Variants in ABCC5 observed in about 807,000 individuals in gnomAD.
The protein encoded by ABCC5 is ATP-binding cassette sub-family C member 5.
Under a neutral mutation model 160.9 loss-of-function variants are expected in ABCC5, and 61 were observed. The observed-to-expected ratio is 0.38, with a 90% CI of 0.31 to 0.47. The LOEUF (loss-of-function observed/expected upper bound fraction) is 0.47, where lower values mean the gene tolerates loss of function less well. ABCC5 is among the 20% of genes least tolerant of loss of function. The pLI, the probability that ABCC5 is intolerant of heterozygous loss-of-function variation, is 0.99. For synonymous variants in ABCC5, 666 were observed against 700.6 expected, an observed-to-expected ratio of 0.95 and a Z score of 0.78; for missense variants, 1,308 against 1,813.3, an observed-to-expected ratio of 0.72 and a Z score of 5.06.
Position 183,946,053 on chromosome 3 carries a change from C to T in ABCC5, c.3415-114G>A, listed in dbSNP as rs1051198451. 21 of 922,356 alleles carry T rather than the reference C, an allele frequency of 2.3e-5. No individual in the cohort carries two copies. The African/African-American group carries it at 3.4e-4, about 15-fold the overall frequency. The allele number at this position is 922,356 out of a possible 1,614,324, so 57.1% of individuals were successfully genotyped here. ...ACTAAGAACTGAGCACATGCAGCAG[C>T]TGGTCTTAGGGACCTAGTCATTCTC... On this transcript the variant is annotated intron_variant, in intron 23 of 29. Transcript: ENST00000334444.
chr3:183,976,889 A>G (rs991703737), intron 10 of ABCC5, among the ~76,000 whole-genome samples: 1 of 151,804 alleles, frequency 6.6e-6, no homozygotes, highest in African/African-American at 2.4e-5. Context: ...ATTTCTCTCC[A>G]CCCTCCCAAA....
intron 26 of ABCC5, among the ~76,000 whole-genome samples, chr3:183,931,827 G>A (rs1713210369): frequency 6.6e-6 from 1 of 152,230 alleles, no homozygotes; most frequent in Admixed American, 6.5e-5. Flanking sequence ...AGAGAAGCCA[G>A]ATGGTCCTGG....
intron 2 of ABCC5, among the ~76,000 whole-genome samples, chr3:184,013,513 CA>C (rs1257250676): frequency 2.0e-5 from 3 of 152,154 alleles, no homozygotes; most frequent in Non-Finnish European, 2.9e-5. Context: ...CTCAACCTCC[CA>C]AAGTGCTGGG....
chr3:183,996,948 A>G (rs1259473772), intron 2 of ABCC5, among the ~76,000 whole-genome samples: 2 of 152,170 alleles, frequency 1.3e-5, no homozygotes, highest in Non-Finnish European at 1.5e-5. Context: ...AAAATGAAAT[A>G]TCTGATGGAA....
intron 5 of ABCC5, chr3:183,984,691 C>T: frequency 5.4e-6 from 8 of 1,495,288 alleles, no homozygotes; most frequent in Non-Finnish European, 7.1e-6. Context: ...ATATCCATTG[C>T]TTGGGTCACC....
At position 183,988,388 on chromosome 3, in the gene ABCC5, A is replaced by G. The variant is rs1221250705; in HGVS notation, c.443+184T>C. Among the ~76,000 whole-genome samples the G allele has an allele frequency of 6.6e-6, 1 of 152,250 alleles. No individual in the cohort carries two copies. Among genetic ancestry groups the G allele is most frequent in the East Asian group, 1.9e-4 (1 of 5,200 alleles). On this transcript the variant is annotated intron_variant, in intron 4 of 29. Transcript: ENST00000334444. The surrounding 1 kb of genome is among the most constrained non-coding windows in gnomAD (Gnocchi z 4.4). ...AGAGAGAGAGAGAAAGCCCGTGGTTAAAACAGGATCAAAGGTGAAATAGGA... is the reference window on the plus strand; with the variant it reads ...AGAGAGAGAGAGAAAGCCCGTGGTTGAAACAGGATCAAAGGTGAAATAGGA...
rs952363832 is a variant in ABCC5 at position 183,988,470 on chromosome 3, C to T, written c.443+102G>A. 5 of 1,451,264 alleles carry T rather than the reference C, an allele frequency of 3.4e-6. No individual in the cohort carries two copies. The Admixed American group carries it at 7.0e-5, about 20-fold the overall frequency. 89.9% of individuals were successfully genotyped at this position (1,451,264 alleles called of 1,614,324 possible). A position where few individuals can be genotyped will look rare whatever the true frequency, so the allele number is the denominator to read the frequency against. ...CCCAGGCCGCCCGCCCTCCACTGGACAGCTCGGCTCTTTAAAGACACAGAG... is the reference window on the plus strand; with the variant it reads ...CCCAGGCCGCCCGCCCTCCACTGGATAGCTCGGCTCTTTAAAGACACAGAG... On this transcript the variant is annotated intron_variant, in intron 4 of 29. Transcript: ENST00000334444. This position sits in a 1 kb window ranked among gnomAD's most constrained non-coding sequence, Gnocchi z 4.4.
At chr3:183,992,697 G>C (rs1719879803) in intron 2 of ABCC5, among the ~76,000 whole-genome samples, 1 of 152,086 alleles carries the variant, frequency 6.6e-6, no homozygotes, top group Non-Finnish European at 1.5e-5. Flanking sequence ...GCTGAAGCAG[G>C]AGAACGGTGT....
intron 26 of ABCC5, among the ~76,000 whole-genome samples, chr3:183,934,957 T>C (rs556155617): frequency 1.6e-4 from 24 of 152,334 alleles, no homozygotes; most frequent in African/African-American, 5.3e-4. Flanking sequence ...CGTGCTTTAT[T>C]TCTTAATTCT....
chr3:183,924,717 C>T (rs1312465520), intron 29 of ABCC5, among the ~76,000 whole-genome samples: 3 of 152,166 alleles, frequency 2.0e-5, no homozygotes, highest in African/African-American at 7.2e-5. Flanking sequence ...CCTCAGAGAG[C>T]GTTCAGGGAG....
At chr3:183,976,835 T>C (rs924896329) in intron 10 of ABCC5, among the ~76,000 whole-genome samples, 2 of 152,156 alleles carry the variant, frequency 1.3e-5, no homozygotes, top group Admixed American at 6.5e-5. Flanking sequence ...CCAGCCCACA[T>C]GGCATCCCTT....
At position 183,938,079 on chromosome 3, in the gene ABCC5, T is replaced by C. The variant is rs1287595325; in HGVS notation, c.3695-19A>G. ...GACTTCCCTGATGAGTCAGAAGACA[T>C]GCAAGAGAGGAGCTGTTAGCAAAGT... On this transcript the variant is annotated intron_variant, in intron 25 of 29. Transcript: ENST00000334444. 3 of 1,611,986 alleles carry C rather than the reference T, an allele frequency of 1.9e-6. No homozygotes were observed. The highest frequency in any genetic ancestry group is 1.7e-4 in the Middle Eastern group (1 of 5,990).
intron 2 of ABCC5, among the ~76,000 whole-genome samples, chr3:184,003,338 C>A (rs978169815): frequency 6.6e-6 from 1 of 152,158 alleles, no homozygotes; most frequent in African/African-American, 2.4e-5. Context: ...TTAAAGAAAC[C>A]TACCAAGCAC....
rs150923285 is a variant in ABCC5 at position 183,999,711 on chromosome 3, C to T, written c.130-10328G>A. Among the ~76,000 whole-genome samples the T allele has an allele frequency of 9.2e-5, 14 of 152,048 alleles. 1 individual carries two copies. In the East Asian group the frequency reaches 2.3e-3, roughly 25 times the overall value. ...GGAGGATCGCTTGATCCTGGTAAGT[C>T]GAGGGTACAGTGAGCCATGATTGCA... On this transcript the variant is annotated intron_variant, in intron 2 of 29. Transcript: ENST00000334444.
At chr3:183,992,560 C>T (rs550821811) in intron 2 of ABCC5, among the ~76,000 whole-genome samples, 77 of 151,906 alleles carry the variant, frequency 5.1e-4, no homozygotes, top group Non-Finnish European at 8.7e-4. Context: ...CCAAGGTGGG[C>T]GGATCACGAG....
chr3:183,995,816 GT>G (rs910034027), intron 2 of ABCC5, among the ~76,000 whole-genome samples: 4 of 150,920 alleles, frequency 2.7e-5, no homozygotes, highest in African/African-American at 4.9e-5. Context: ...TCTTGTTGTT[GT>G]TTTTTTTTAA....
intron 2 of ABCC5, among the ~76,000 whole-genome samples, chr3:183,995,680 C>T (rs1323086886): frequency 1.3e-5 from 2 of 152,344 alleles, no homozygotes; most frequent in South Asian, 2.1e-4. Flanking sequence ...ACTGTAGCTA[C>T]AAACTAAGTC....
intron 5 of ABCC5, chr3:183,985,324 T>C: frequency 6.2e-7 from 1 of 1,614,066 alleles, no homozygotes; most frequent in Non-Finnish European, 8.5e-7. Context: ...GGCGAGAGAT[T>C]CTGCCCAGCT....
At chr3:184,014,241 G>A (rs1167798419) in intron 2 of ABCC5, 23 bp downstream of exon 2, 1 of 1,604,116 alleles carries the variant, frequency 6.2e-7, no homozygotes, top group East Asian at 2.2e-5. Context: ...GCAGGTAAGA[G>A]ACTCTTAGGA....
Sources: allele counts gnomAD v4.1 joint callset (sites outside exome capture counted in the v4.1 genomes callset), GRCh38; gene constraint gnomAD v4.1.1; non-coding constraint Gnocchi (gnomAD v3.1); transcripts MANE v1.5; gene names NCBI Gene and HGNC (gene_info 2026-07-23, HGNC 2026-07-21).